UMAD1: variants seen among roughly 807,000 people sequenced by gnomAD.
UMAD1 encodes UBAP1-MVB12-associated (UMA) domain containing 1, also known as UBAP1-MVB12-associated (UMA)-domain containing protein 1.
In UMAD1, 8 loss-of-function variants were observed where a neutral mutation model predicts 6.1. That is an observed-to-expected ratio of 1.30 (90% CI 0.76 to 2.35). The LOEUF (loss-of-function observed/expected upper bound fraction) is 2.35, where lower values mean the gene tolerates loss of function less well. Among genes scored for constraint, UMAD1 ranks in the 30% most tolerant of loss-of-function variants. UMAD1 has a pLI of 0.00. For missense variants in UMAD1, 130 were observed against 78.4 expected (o/e 1.66, Z -2.49); for synonymous variants, 56 against 31.4 (o/e 1.78, Z -2.61).
intron 2 of UMAD1, among the ~76,000 whole-genome samples, chr7:7,752,327 A>G (rs1036375728): frequency 6.6e-6 from 1 of 152,202 alleles, no homozygotes; most frequent in Admixed American, 6.5e-5. Flanking sequence ...ATATGAATAC[A>G]CTGGGGAAAC....
At chr7:7,703,523 C>T (rs755804711) in intron 2 of UMAD1, among the ~76,000 whole-genome samples, 1 of 152,014 alleles carries the variant, frequency 6.6e-6, no homozygotes, top group Non-Finnish European at 1.5e-5. Context: ...CTTTTTGTAA[C>T]CTATATTGAA....
At chr7:7,802,572 T>G (rs1356444921) in intron 3 of UMAD1, among the ~76,000 whole-genome samples, 2 of 152,264 alleles carry the variant, frequency 1.3e-5, no homozygotes, top group Non-Finnish European at 2.9e-5. Context: ...TATACTAACA[T>G]TATTTAATCA....
intron 2 of UMAD1, among the ~76,000 whole-genome samples, chr7:7,729,898 C>G (rs1031265601): frequency 6.6e-6 from 1 of 152,208 alleles, no homozygotes; most frequent in Non-Finnish European, 1.5e-5. Flanking sequence ...TATTCCCACT[C>G]GTTCACTGAA....
chr7:7,775,496 A>T lies in UMAD1; in HGVS notation c.83-26174A>T, dbSNP rs142982457. ...CTTTGAAGAGGTGCCTTCCGCCATG[A>T]TTGTAAGTTTCAAGCCCTCCCCAGC... On this transcript the variant is annotated intron_variant, in intron 2 of 3. Transcript: ENST00000682710. 2.7e-3 allele frequency among the ~76,000 whole-genome samples: 410 copies of T among 152,242 alleles called. 3 individuals carry two copies. The highest frequency in any genetic ancestry group is 9.6e-3 in the African/African-American group (400 of 41,520).
At chr7:7,727,618 C>G (rs1370534361) in intron 2 of UMAD1, among the ~76,000 whole-genome samples, 1 of 152,148 alleles carries the variant, frequency 6.6e-6, no homozygotes, top group African/African-American at 2.4e-5. Flanking sequence ...CTGGGAAAGG[C>G]AGACCCACCC....
At chr7:7,802,377 A>G (rs144217665) in intron 3 of UMAD1, among the ~76,000 whole-genome samples, 1,522 of 37,498 alleles carry the variant, frequency 0.041, 36 homozygotes, top group African/African-American at 0.37. Context: ...ACTCCGTCTC[A>G]AAAAAAAAAA....
At chr7:7,730,688 A>G (rs1781230627) in intron 2 of UMAD1, among the ~76,000 whole-genome samples, 1 of 152,218 alleles carries the variant, frequency 6.6e-6, no homozygotes, top group African/African-American at 2.4e-5. Flanking sequence ...ATAAGCATGC[A>G]TTTCTCTTAA....
chr7:7,700,780 C>T (rs1048411147), intron 2 of UMAD1, among the ~76,000 whole-genome samples: 1 of 151,922 alleles, frequency 6.6e-6, no homozygotes, highest in African/African-American at 2.4e-5. Context: ...CAAAGCTACT[C>T]GGGAGGCTGA....
intron 2 of UMAD1, chr7:7,742,558 G>A (rs1469081800): frequency 9.6e-6 from 5 of 518,642 alleles, no homozygotes; most frequent in Non-Finnish European, 1.9e-5. Context: ...CGCTTTCGGC[G>A]CCATCTTGTG....
At chr7:7,785,698 C>A (rs1782449149) in intron 2 of UMAD1, among the ~76,000 whole-genome samples, 1 of 152,254 alleles carries the variant, frequency 6.6e-6, no homozygotes, top group South Asian at 2.1e-4. Context: ...CTTTAGAAAG[C>A]TGAACGTGGA....
intron 3 of UMAD1, among the ~76,000 whole-genome samples, chr7:7,803,168 C>T (rs1049856619): frequency 1.3e-5 from 2 of 152,200 alleles, no homozygotes; most frequent in African/African-American, 2.4e-5. Context: ...AACTTGATCT[C>T]TTTCATTTAT....
At chr7:7,863,522 T>G (rs1784152426) in intron 3 of UMAD1, among the ~76,000 whole-genome samples, 1 of 152,228 alleles carries the variant, frequency 6.6e-6, no homozygotes. Flanking sequence ...TGTTATATTT[T>G]AAATTTCCAG....
At chr7:7,734,031 A>G (rs1465572606) in intron 2 of UMAD1, among the ~76,000 whole-genome samples, 1 of 152,162 alleles carries the variant, frequency 6.6e-6, no homozygotes, top group Non-Finnish European at 1.5e-5. Context: ...TGCTTTAATT[A>G]CAAGGTATGT....
chr7:7,824,117 C>G (rs548759059), intron 3 of UMAD1, among the ~76,000 whole-genome samples: 1 of 152,078 alleles, frequency 6.6e-6, no homozygotes, highest in African/African-American at 2.4e-5. Flanking sequence ...ACCTTGCCCT[C>G]CGCTCCACAG....
chr7:7,846,331 C>T (rs1042155757), intron 3 of UMAD1, among the ~76,000 whole-genome samples: 1 of 152,118 alleles, frequency 6.6e-6, no homozygotes, highest in African/African-American at 2.4e-5. Context: ...TTCTCCTGTT[C>T]CCTAGAAATC....
intron 2 of UMAD1, among the ~76,000 whole-genome samples, chr7:7,762,304 G>T (rs1458433338): frequency 6.6e-6 from 1 of 151,938 alleles, no homozygotes; most frequent in Non-Finnish European, 1.5e-5. Flanking sequence ...AGTATGAAAA[G>T]TTACTTAAAA....
intron 3 of UMAD1, among the ~76,000 whole-genome samples, chr7:7,840,828 G>T (rs1384632762): frequency 2.0e-5 from 3 of 152,094 alleles, no homozygotes; most frequent in Non-Finnish European, 2.9e-5. Context: ...TGGCAAAAAA[G>T]CTAGAAGTTA....
chr7:7,708,352 T>G (rs954765475), intron 2 of UMAD1, among the ~76,000 whole-genome samples: 1 of 152,204 alleles, frequency 6.6e-6, no homozygotes, highest in Non-Finnish European at 1.5e-5. Flanking sequence ...ACAAAATTAT[T>G]GATTGCTCAG....
intron 2 of UMAD1, among the ~76,000 whole-genome samples, chr7:7,777,170 C>T (rs148412405): frequency 6.6e-6 from 1 of 152,106 alleles, no homozygotes; most frequent in East Asian, 1.9e-4. Flanking sequence ...TTACTGATCT[C>T]CTGTCTAGCC....
Sources: gnomAD v4.1 joint callset for allele counts (sites outside exome capture counted in the v4.1 genomes callset) on GRCh38, gnomAD v4.1.1 for gene constraint, MANE v1.5 for transcripts, NCBI Gene and HGNC (gene_info 2026-07-23, HGNC 2026-07-21) for gene names.